The following CACNA1E variants were observed in gnomAD, a reference collection of about 807,000 sequenced individuals.
CACNA1E encodes voltage-dependent R-type calcium channel subunit alpha-1E.
Under a neutral mutation model 259.2 loss-of-function variants are expected in CACNA1E, and 40 were observed. That is an observed-to-expected ratio of 0.15 (90% CI 0.12 to 0.20). The LOEUF is 0.20. Ranked by LOEUF, CACNA1E falls within the 10% of genes least tolerant of loss-of-function variation. CACNA1E has a pLI of 1.00. For missense variants in CACNA1E, 1,874 were observed against 3,040.1 expected (o/e 0.62, Z 9.02); for synonymous variants, 1,104 against 1,138.5 (o/e 0.97, Z 0.61).
At chr1:181,634,801 G>A (rs1484685233) in intron 6 of CACNA1E, among the ~76,000 whole-genome samples, 2 of 152,138 alleles carry the variant, frequency 1.3e-5, no homozygotes, top group African/African-American at 4.8e-5. Flanking sequence ...TTCTGCTTCT[G>A]TTCTCCTACT....
chr1:181,346,110 G>A (rs938352541), intron 1 of CACNA1E, among the ~76,000 whole-genome samples: 1 of 152,200 alleles, frequency 6.6e-6, no homozygotes, highest in African/African-American at 2.4e-5. Context: ...CAGGAGTGCT[G>A]GGGGGCACTG....
intron 2 of CACNA1E, among the ~76,000 whole-genome samples, chr1:181,476,376 T>C (rs1196685374): frequency 6.6e-6 from 1 of 152,150 alleles, no homozygotes; most frequent in Non-Finnish European, 1.5e-5. Flanking sequence ...GGTGGCTTAA[T>C]CTGCTGATGA....
chr1:181,780,677 A>C (rs556571966), intron 38 of CACNA1E, among the ~76,000 whole-genome samples: 1 of 152,324 alleles, frequency 6.6e-6, no homozygotes, highest in Non-Finnish European at 1.5e-5. Flanking sequence ...GTAGCATGGC[A>C]TGCAAGATGC....
At chr1:181,789,846 C>A (rs1290947057) in intron 43 of CACNA1E, among the ~76,000 whole-genome samples, 1 of 152,208 alleles carries the variant, frequency 6.6e-6, no homozygotes, top group Non-Finnish European at 1.5e-5. Flanking sequence ...CCATTTAAAC[C>A]TCTTCCTACA....
intron 33 of CACNA1E, 27 bp downstream of exon 33, chr1:181,762,684 G>A (rs1349399035): frequency 2.1e-6 from 3 of 1,403,366 alleles, no homozygotes; most frequent in Non-Finnish European, 2.0e-6. Context: ...ATCCATGTCT[G>A]TAAGCTTGGC....
chr1:181,481,905 G>C (rs1457263360), upstream of CACNA1E, among the ~76,000 whole-genome samples: 2 of 152,160 alleles, frequency 1.3e-5, no homozygotes, highest in African/African-American at 4.8e-5. Flanking sequence ...AAAGGATGGG[G>C]GGCGGGAGGA....
At chr1:181,481,651 C>G (rs1397931904), upstream of CACNA1E, among the ~76,000 whole-genome samples, 1 of 152,108 alleles carries the variant, frequency 6.6e-6, no homozygotes, top group Non-Finnish European at 1.5e-5. Context: ...TGAGCCAAGG[C>G]AGGAAAACAC....
Position 181,423,662 on chromosome 1 carries a change from A to ATTTTTTTTTTTTTTTTTTTTTTTTTT in CACNA1E, c.434+10098_434+10099insTTTTTTTTTTTTTTTTTTTTTTTTTT, listed in dbSNP as rs11302089. Among the ~76,000 whole-genome samples the ATTTTTTTTTTTTTTTTTTTTTTTTTT allele has an allele frequency of 1.5e-5, 2 of 130,998 alleles. 1 individual carries two copies. The highest frequency in any genetic ancestry group is 6.1e-5 in the African/African-American group (2 of 32,802). The allele number at this position is 130,998 out of a possible 152,430, so 85.9% of individuals were successfully genotyped here. ...GGTGAATTTAAGGGCCATTGGGCCA[A>ATTTTTTTTTTTTTTTTTTTTTTTTTT]TTTTTTTTTTTTTTTTGCTGGCCTT... is the stretch of plus-strand genomic sequence containing the variant. On this transcript the variant is annotated intron_variant, in intron 2 of 11. Transcript: ENST00000524607.
intron 7 of CACNA1E, among the ~76,000 whole-genome samples, chr1:181,702,048 T>C (rs577618129): frequency 6.6e-6 from 1 of 152,304 alleles, no homozygotes; most frequent in Admixed American, 6.5e-5. Flanking sequence ...ACATATTGTG[T>C]GGATGACAGA....
chr1:181,318,791 G>C (rs1650117097), intron 1 of CACNA1E, among the ~76,000 whole-genome samples: 1 of 152,170 alleles, frequency 6.6e-6, no homozygotes, highest in Non-Finnish European at 1.5e-5. Flanking sequence ...AGAGCGAGTA[G>C]GGTGGGTCCT....
intron 11 of CACNA1E, 109 bp from the exon 12 acceptor site, chr1:181,717,946 T>A: frequency 1.6e-6 from 1 of 627,604 alleles, no homozygotes; most frequent in South Asian, 1.9e-5. Flanking sequence ...GGCCACCGAA[T>A]GTCCTGACGT....
chr1:181,409,285 A>G (rs138992128), intron 1 of CACNA1E, among the ~76,000 whole-genome samples: 6 of 152,330 alleles, frequency 3.9e-5, no homozygotes, highest in African/African-American at 1.4e-4. Flanking sequence ...GGCCCTTTGC[A>G]GTGTTTGCCA....
At chr1:181,581,833 C>T (rs890629842) in intron 6 of CACNA1E, among the ~76,000 whole-genome samples, 3 of 152,200 alleles carry the variant, frequency 2.0e-5, no homozygotes, top group African/African-American at 7.2e-5. Flanking sequence ...CTTATGCACG[C>T]TCCCACCGTC....
chr1:181,490,252 G>T (rs486708), intron 1 of CACNA1E, among the ~76,000 whole-genome samples: 1 of 151,882 alleles, frequency 6.6e-6, no homozygotes, highest in Non-Finnish European at 1.5e-5. Context: ...AAAATGTGTC[G>T]GTTATCCAAG....
At chr1:181,482,070 G>A (rs1663302061), upstream of CACNA1E, among the ~76,000 whole-genome samples, 1 of 152,204 alleles carries the variant, frequency 6.6e-6, no homozygotes, top group Admixed American at 6.5e-5. Context: ...AGCACCACCA[G>A]CAGAGTGTGG....
intron 6 of CACNA1E, among the ~76,000 whole-genome samples, chr1:181,620,576 G>A (rs954201448): frequency 6.6e-6 from 1 of 152,200 alleles, no homozygotes; most frequent in African/African-American, 2.4e-5. Flanking sequence ...TCTTTCCAAG[G>A]AGCCCCAAAT....
At chr1:181,525,468 T>TCTTCAAGA in intron 3 of CACNA1E, among the ~76,000 whole-genome samples, 1 of 152,246 alleles carries the variant, frequency 6.6e-6, no homozygotes, top group South Asian at 2.1e-4. Context: ...GTTGTCATGC[T>TCTTCAAGA]TATTTTTGTC....
intron 6 of CACNA1E, among the ~76,000 whole-genome samples, chr1:181,609,691 G>A (rs1654564249): frequency 6.6e-6 from 1 of 152,296 alleles, no homozygotes; most frequent in East Asian, 1.9e-4. Context: ...ATGTCATTAA[G>A]CACTATGTTT....
At chr1:181,606,434 C>A (rs1022015724) in intron 6 of CACNA1E, among the ~76,000 whole-genome samples, 6 of 152,154 alleles carry the variant, frequency 3.9e-5, no homozygotes, top group African/African-American at 1.4e-4. Context: ...ATGCTACCTC[C>A]AAAATATATC....
Sources: gnomAD v4.1 joint callset for allele counts (sites outside exome capture counted in the v4.1 genomes callset) on GRCh38, gnomAD v4.1.1 for gene constraint, MANE v1.5 for transcripts, NCBI Gene and HGNC (gene_info 2026-07-23, HGNC 2026-07-21) for gene names.